The following CHSY3 variants were observed in gnomAD, a reference collection of about 807,000 sequenced individuals.
The protein encoded by CHSY3 is chondroitin sulfate synthase 3, also known as N-acetylgalactosaminyl-proteoglycan 3-beta-glucuronosyltransferase 3.
A neutral mutation model predicts 67.2 loss-of-function variants in CHSY3; 35 were observed. The observed-to-expected ratio is 0.52, with a 90% confidence interval of 0.40 to 0.69. CHSY3 has a LOEUF of 0.69. CHSY3 is among the 30% of genes least tolerant of loss of function. The pLI, the probability that CHSY3 is intolerant of heterozygous loss-of-function variation, is 0.00. For synonymous variants in CHSY3, 474 were observed against 434.7 expected (o/e 1.09, Z -1.12); for missense variants, 1,069 against 1,138.5 (o/e 0.94, Z 0.88).
chr5:130,145,820 A>G (rs1769059105), intron 2 of CHSY3, among the ~76,000 whole-genome samples: 1 of 152,198 alleles, frequency 6.6e-6, no homozygotes, highest in South Asian at 2.1e-4. Flanking sequence ...AAAAGAAGAC[A>G]TACCAATGGC....
At chr5:129,994,028 T>C (rs1426577091) in intron 2 of CHSY3, among the ~76,000 whole-genome samples, 2 of 152,224 alleles carry the variant, frequency 1.3e-5, no homozygotes, top group Non-Finnish European at 2.9e-5. Flanking sequence ...TTAAGAATGT[T>C]GAATATTGGC....
chr5:129,924,444 A>T (rs1447345998), intron 2 of CHSY3, among the ~76,000 whole-genome samples: 1 of 151,990 alleles, frequency 6.6e-6, no homozygotes, highest in African/African-American at 2.4e-5. Flanking sequence ...TCAAGAGACC[A>T]AGACCATCCT....
At chr5:129,924,292 C>T (rs1184960044) in intron 2 of CHSY3, among the ~76,000 whole-genome samples, 1 of 152,078 alleles carries the variant, frequency 6.6e-6, no homozygotes, top group Non-Finnish European at 1.5e-5. Flanking sequence ...CTCCTCTGCC[C>T]TCAATTTTTG....
At chr5:130,128,919 CA>C (rs1768388831) in intron 2 of CHSY3, among the ~76,000 whole-genome samples, 1 of 149,018 alleles carries the variant, frequency 6.7e-6, no homozygotes, top group Non-Finnish European at 1.5e-5. Context: ...TGTATGTTGA[CA>C]AAAATGTGAG....
intron 2 of CHSY3, among the ~76,000 whole-genome samples, chr5:130,091,623 G>C (rs1373382448): frequency 6.6e-6 from 1 of 152,098 alleles, no homozygotes; most frequent in Non-Finnish European, 1.5e-5. Context: ...TCATCTGTAG[G>C]ATTAAGATAA....
Position 129,907,008 on chromosome 5 carries a change from T to C in CHSY3, c.803-1069T>C, listed in dbSNP as rs544678788. On this transcript the variant is annotated intron_variant, in intron 1 of 2. Transcript: ENST00000305031. Reference sequence around the variant, plus strand: ...GATAATTGGATATAAAAATAAAGAATGGTCTCATTACATTTTTAACAGTGG... The same window carrying C: ...GATAATTGGATATAAAAATAAAGAACGGTCTCATTACATTTTTAACAGTGG... Among the ~76,000 whole-genome samples, 30 of 152,294 alleles carry C rather than the reference T, an allele frequency of 2.0e-4. No homozygotes were observed. In the South Asian group the frequency reaches 2.3e-3, roughly 12 times the overall value.
At chr5:129,934,099 A>G (rs1048093391) in intron 2 of CHSY3, among the ~76,000 whole-genome samples, 3 of 152,146 alleles carry the variant, frequency 2.0e-5, no homozygotes, top group African/African-American at 7.2e-5. Context: ...AACCTAGACA[A>G]TAGATGGAAA....
chr5:130,174,172 A>C (rs1769975509), intron 2 of CHSY3, among the ~76,000 whole-genome samples: 1 of 151,960 alleles, frequency 6.6e-6, no homozygotes, highest in Admixed American at 6.6e-5. Context: ...TGCCTTCATA[A>C]TTTTTCTAAT....
intron 2 of CHSY3, among the ~76,000 whole-genome samples, chr5:130,020,505 ATTAAAGT>A (rs1420939220): frequency 5.6e-5 from 7 of 125,646 alleles, no homozygotes; most frequent in African/African-American, 2.1e-4. Flanking sequence ...CATCCTTTTG[ATTAAAGT>A]TTAAACTCTC....
intron 2 of CHSY3, among the ~76,000 whole-genome samples, chr5:130,116,719 A>G (rs979509967): frequency 2.0e-5 from 3 of 152,232 alleles, no homozygotes; most frequent in Non-Finnish European, 4.4e-5. Context: ...TGCTACTCAC[A>G]GAAATGCGGA....
rs1322921873 is a variant in CHSY3 at position 129,905,284 on chromosome 5, G to T, written c.455G>T (p.Ser152Ile). ...CAGCGGAGAGACGGCCGGCCGGGGA[G>T]TAGCCACAACGGCAGCGGGGACGGG... is the stretch of plus-strand genomic sequence containing the variant. Reference protein sequence around the residue: ...AGQRRDGRPGSSHNGSGDGGA... With the variant: ...AGQRRDGRPGISHNGSGDGGA... The change falls in exon 1 of 3, where the codon AGT becomes ATT. Residue 152 changes from serine to isoleucine, a missense_variant. Physicochemically the swap from Ser to Ile is moderately radical, Grantham distance 142. Transcript: ENST00000305031. 1 of 1,470,782 alleles carries T rather than the reference G, an allele frequency of 6.8e-7. No homozygotes were observed. The highest frequency in any genetic ancestry group is 9.0e-7 in the Non-Finnish European group (1 of 1,114,156). 91.1% of individuals were successfully genotyped at this position (1,470,782 alleles called of 1,614,324 possible). A position where few individuals can be genotyped will look rare whatever the true frequency, so the allele number is the denominator to read the frequency against.
At chr5:130,056,918 CTTTTTT>C (rs58326964) in intron 2 of CHSY3, among the ~76,000 whole-genome samples, 300 of 56,142 alleles carry the variant, frequency 5.3e-3, no homozygotes, top group Middle Eastern at 0.034. Context: ...GCATTTCTTT[CTTTTTT>C]TTTTTTTTTT....
chr5:130,044,973 T>C (rs1765103372), intron 2 of CHSY3, among the ~76,000 whole-genome samples: 1 of 152,048 alleles, frequency 6.6e-6, no homozygotes, highest in Admixed American at 6.6e-5. Flanking sequence ...ATGGCATAAG[T>C]AGTTTTTTGT....
chr5:130,154,065 C>T (rs555066139), intron 2 of CHSY3, among the ~76,000 whole-genome samples: 15 of 152,130 alleles, frequency 9.9e-5, no homozygotes, highest in Admixed American at 4.6e-4. Context: ...TACAGGTGCA[C>T]GCCACCACAC....
At chr5:129,968,892 A>G (rs1762546754) in intron 2 of CHSY3, among the ~76,000 whole-genome samples, 1 of 151,828 alleles carries the variant, frequency 6.6e-6, no homozygotes, top group African/African-American at 2.4e-5. Context: ...TCCACTCCAC[A>G]GTTAACTGAG....
intron 2 of CHSY3, among the ~76,000 whole-genome samples, chr5:130,126,051 T>A (rs1350633700): frequency 6.6e-6 from 1 of 152,200 alleles, no homozygotes; most frequent in Non-Finnish European, 1.5e-5. Context: ...AATGCCTTTT[T>A]ATATACTTTT....
chr5:130,023,692 G>C (rs557614393), intron 2 of CHSY3, among the ~76,000 whole-genome samples: 1 of 151,930 alleles, frequency 6.6e-6, no homozygotes, highest in Non-Finnish European at 1.5e-5. Flanking sequence ...ATCATCACAG[G>C]GTTTTAAAGA....
At chr5:130,037,942 C>T (rs920855158) in intron 2 of CHSY3, among the ~76,000 whole-genome samples, 1 of 152,004 alleles carries the variant, frequency 6.6e-6, no homozygotes, top group Non-Finnish European at 1.5e-5. Flanking sequence ...CACTTATCCT[C>T]TTGACCCTTA....
At chr5:129,999,123 C>CTTT (rs1763640704) in intron 2 of CHSY3, among the ~76,000 whole-genome samples, 2 of 102,888 alleles carry the variant, frequency 1.9e-5, no homozygotes, top group Non-Finnish European at 2.3e-5. Context: ...CTCCCCCCTC[C>CTTT]CTTTTTTTTT....
Sources: gnomAD v4.1 joint callset for allele counts (sites outside exome capture counted in the v4.1 genomes callset) on GRCh38, gnomAD v4.1.1 for gene constraint, MANE v1.5 for transcripts, NCBI Gene and HGNC (gene_info 2026-07-23, HGNC 2026-07-21) for gene names.